Variants in AUTS2 observed in about 807,000 individuals in gnomAD.
The protein encoded by AUTS2 is autism susceptibility gene 2 protein.
AUTS2 carries 17 observed loss-of-function variants against 112.4 expected under a neutral mutation model. The observed-to-expected ratio is 0.15, with a 90% CI of 0.10 to 0.23. The LOEUF (loss-of-function observed/expected upper bound fraction) is 0.23, where lower values mean the gene tolerates loss of function less well. AUTS2 is among the 10% of genes least tolerant of loss of function. The pLI is 1.00. For synonymous variants in AUTS2, 751 were observed against 702.7 expected, an observed-to-expected ratio of 1.07 and a Z score of -1.09; for missense variants, 1,510 against 1,701.6, an observed-to-expected ratio of 0.89 and a Z score of 1.98.
chr7:69,726,413 C>A (rs593063), intron 1 of AUTS2, among the ~76,000 whole-genome samples: 2 of 151,900 alleles, frequency 1.3e-5, no homozygotes, highest in South Asian at 4.2e-4. Flanking sequence ...TACAGATATA[C>A]CACAATTTGT....
intron 2 of AUTS2, among the ~76,000 whole-genome samples, chr7:69,979,554 C>T (rs963340903): frequency 6.6e-6 from 1 of 152,154 alleles, no homozygotes; most frequent in African/African-American, 2.4e-5. Flanking sequence ...TTGAAGACTA[C>T]ACCATTACCA....
At chr7:69,918,492 A>G (rs2129542568) in intron 2 of AUTS2, among the ~76,000 whole-genome samples, 1 of 152,376 alleles carries the variant, frequency 6.6e-6, no homozygotes. Context: ...TTTCAAAGCA[A>G]GAAAAACTAG....
At chr7:70,036,117 G>A (rs908669492) in intron 2 of AUTS2, among the ~76,000 whole-genome samples, 3 of 152,166 alleles carry the variant, frequency 2.0e-5, no homozygotes, top group Admixed American at 2.0e-4. Context: ...TAGCGGCGCC[G>A]GCCAGAGGTG....
intron 4 of AUTS2, among the ~76,000 whole-genome samples, chr7:70,339,087 TCTC>T (rs1270475799): frequency 3.3e-5 from 5 of 151,794 alleles, no homozygotes; most frequent in Admixed American, 2.0e-4. Flanking sequence ...ATGGTTTCGA[TCTC>T]CTGACCTCGT....
chr7:69,700,675 C>T (rs1344631242), intron 1 of AUTS2, among the ~76,000 whole-genome samples: 1 of 152,172 alleles, frequency 6.6e-6, no homozygotes, highest in African/African-American at 2.4e-5. Context: ...CAATTATTAA[C>T]TAGAAAGGTT....
chr7:70,295,253 G>A (rs777371749), intron 4 of AUTS2, among the ~76,000 whole-genome samples: 141 of 152,148 alleles, frequency 9.3e-4, no homozygotes, highest in Non-Finnish European at 1.2e-3. Context: ...CTATTAAGTG[G>A]CATTCTAGTG....
intron 1 of AUTS2, among the ~76,000 whole-genome samples, chr7:69,744,912 TC>T (rs1787424766): frequency 1.3e-5 from 2 of 152,184 alleles, no homozygotes; most frequent in African/African-American, 2.4e-5. Context: ...CTTAGAAAGT[TC>T]AGTCACTTTT....
chr7:70,721,100 A>AATG, intron 6 of AUTS2, among the ~76,000 whole-genome samples: 2 of 151,786 alleles, frequency 1.3e-5, no homozygotes, highest in South Asian at 4.2e-4. Context: ...TAATAATAAT[A>AATG]ATAGCACCAT....
chr7:69,789,577 C>T (rs575635083), intron 1 of AUTS2, among the ~76,000 whole-genome samples: 2 of 152,282 alleles, frequency 1.3e-5, no homozygotes, highest in South Asian at 2.1e-4. Flanking sequence ...GGAGTGTTGT[C>T]AGAACCAAAG....
chr7:70,514,889 A>T (rs191598222), intron 5 of AUTS2, among the ~76,000 whole-genome samples: 1 of 152,204 alleles, frequency 6.6e-6, no homozygotes, highest in Non-Finnish European at 1.5e-5. Flanking sequence ...GGATTTTCCC[A>T]ATTACTAGTG....
intron 2 of AUTS2, among the ~76,000 whole-genome samples, chr7:70,110,893 C>T (rs187501345): frequency 0.023 from 2,746 of 120,754 alleles, 94 homozygotes; most frequent in African/African-American, 0.078. Context: ...TTGAGAGTCT[C>T]GCTCTGTCGC....
chr7:70,688,149 T>G (rs1169909582), intron 5 of AUTS2, among the ~76,000 whole-genome samples: 1 of 152,178 alleles, frequency 6.6e-6, no homozygotes, highest in Non-Finnish European at 1.5e-5. Context: ...TCTCCCAACC[T>G]TATCAGTTAC....
chr7:69,746,593 A>C (rs1787506480), intron 1 of AUTS2, among the ~76,000 whole-genome samples: 1 of 152,160 alleles, frequency 6.6e-6, no homozygotes, highest in Non-Finnish European at 1.5e-5. Context: ...GAGACACTGC[A>C]AGGTACAAGT....
intron 5 of AUTS2, among the ~76,000 whole-genome samples, chr7:70,654,056 G>A (rs1019151649): frequency 6.6e-6 from 1 of 152,154 alleles, no homozygotes; most frequent in Non-Finnish European, 1.5e-5. Flanking sequence ...CAGGACCCAG[G>A]AAATTGTATG....
At chr7:70,168,240 A>C (rs191177778) in intron 4 of AUTS2, among the ~76,000 whole-genome samples, 7 of 152,288 alleles carry the variant, frequency 4.6e-5, no homozygotes, top group African/African-American at 1.7e-4. Flanking sequence ...ATCTGTGACC[A>C]TCAGTCTGTC....
At chr7:70,274,153 ACTT>A in intron 4 of AUTS2, among the ~76,000 whole-genome samples, 1 of 151,876 alleles carries the variant, frequency 6.6e-6, no homozygotes, top group Non-Finnish European at 1.5e-5. Flanking sequence ...TCTCTCTTCT[ACTT>A]ATAGTATATT....
chr7:70,415,426 A>G (rs937345772), intron 4 of AUTS2, among the ~76,000 whole-genome samples: 1 of 152,254 alleles, frequency 6.6e-6, no homozygotes, highest in African/African-American at 2.4e-5. Flanking sequence ...GGAAGTATTC[A>G]TGTATACAGT....
At chr7:69,956,493 T>G (rs895116689) in intron 2 of AUTS2, among the ~76,000 whole-genome samples, 1 of 152,154 alleles carries the variant, frequency 6.6e-6, no homozygotes, top group Admixed American at 6.5e-5. Flanking sequence ...GTTGAAACAG[T>G]GCTATAGAGT....
At chr7:69,879,069 G>A (rs1001641350) in intron 1 of AUTS2, among the ~76,000 whole-genome samples, 3 of 151,776 alleles carry the variant, frequency 2.0e-5, no homozygotes, top group Non-Finnish European at 4.4e-5. Context: ...TGGTATTATT[G>A]TGTTCCAGGA....
Sources: gnomAD v4.1 joint callset for allele counts (sites outside exome capture counted in the v4.1 genomes callset) on GRCh38, gnomAD v4.1.1 for gene constraint, MANE v1.5 for transcripts, NCBI Gene and HGNC (gene_info 2026-07-23, HGNC 2026-07-21) for gene names.